NFKB1: variants seen among roughly 807,000 people sequenced by gnomAD.
The protein encoded by NFKB1 is nuclear factor kappa B subunit 1, also known as nuclear factor NF-kappa-B p105 subunit.
A neutral mutation model predicts 105.1 loss-of-function variants in NFKB1; 9 were observed. That is an observed-to-expected ratio of 0.09 (90% CI 0.05 to 0.15). NFKB1 has a LOEUF of 0.15. Among genes scored for constraint, NFKB1 ranks in the 10% least tolerant of loss-of-function variants. NFKB1 has a pLI of 1.00. For missense variants in NFKB1, 830 were observed against 1,203.7 expected, an observed-to-expected ratio of 0.69 and a Z score of 4.59; for synonymous variants, 440 against 442.2, an observed-to-expected ratio of 1.00 and a Z score of 0.06.
chr4:102,526,942 A>T (rs759191988), intron 2 of NFKB1, among the ~76,000 whole-genome samples: 10 of 151,098 alleles, frequency 6.6e-5, no homozygotes, highest in Admixed American at 6.6e-4. Flanking sequence ...GTGTGTGTGT[A>T]TATATGTATA....
chr4:102,578,807 G>A, intron 7 of NFKB1, 74 bp from the exon 8 acceptor site: 2 of 1,472,934 alleles, frequency 1.4e-6, no homozygotes, highest in Non-Finnish European at 1.9e-6. Flanking sequence ...ACATTATTTG[G>A]GCTTTATAAA....
intron 1 of NFKB1, among the ~76,000 whole-genome samples, chr4:102,505,841 CTG>C (rs1234021496): frequency 3.3e-5 from 5 of 152,058 alleles, no homozygotes; most frequent in Non-Finnish European, 7.4e-5. Context: ...CAATCATTAA[CTG>C]TTAAATGAAT....
intron 6 of NFKB1, among the ~76,000 whole-genome samples, chr4:102,571,191 C>T (rs1398740660): frequency 1.5e-4 from 23 of 152,180 alleles, no homozygotes; most frequent in Non-Finnish European, 3.1e-4. Flanking sequence ...ACATCTACAA[C>T]TATCTGATCT....
At chr4:102,539,302 T>A (rs886571817) in intron 5 of NFKB1, among the ~76,000 whole-genome samples, 2 of 151,976 alleles carry the variant, frequency 1.3e-5, no homozygotes, top group African/African-American at 4.8e-5. Flanking sequence ...ATTTTGTTTC[T>A]TCCTTTTCCT....
Position 102,616,456 on chromosome 4 carries a change from T to C in NFKB1, c.2772T>C (p.Ser924=), listed in dbSNP as rs1578844518. 2 of 1,614,126 alleles carry C rather than the reference T, an allele frequency of 1.2e-6. No homozygotes were observed. Among genetic ancestry groups the C allele is most frequent in the Non-Finnish European group, 1.7e-6 (2 of 1,180,004 alleles). ...QQIDELRDSD[S]VCDSGVETSF... ...CAGACGAGCTCCGAGACAGTGACAG[T>C]GTCTGCGACAGCGGCGTGGAGACAT... The change falls in exon 24 of 24, where the codon AGT becomes AGC. Residue 924 remains serine (S), a synonymous_variant. Transcript: ENST00000226574.
Position 102,525,504 on chromosome 4 carries a change from A to T in NFKB1, c.-7-8A>T. 1 of 1,613,142 alleles carries T rather than the reference A, an allele frequency of 6.2e-7. No individual in the cohort carries two copies. ...TACAGTTTTGTTTTGTTTTGTTTTA[A>T]TACACAGCTTCAGAATGGCAGAAGA... On this transcript the variant is annotated splice_region_variant and splice_polypyrimidine_tract_variant and intron_variant, in intron 1 of 23. Coordinates refer to ENST00000226574, the MANE Select transcript of NFKB1 (RefSeq NM_003998.4).
chr4:102,578,686 G>A lies in NFKB1; in HGVS notation c.572-195G>A, dbSNP rs55654198. On this transcript the variant is annotated intron_variant, in intron 7 of 23. Coordinates refer to ENST00000226574, the MANE Select transcript of NFKB1 (RefSeq NM_003998.4). ...TTACTGTAATCCGGAGAAAATGCAG[G>A]TCTTCTTTGATGCCTTTCATATTGG... The A allele has an allele frequency of 2.5e-5, 13 of 529,728 alleles. No homozygotes were observed. In the African/African-American group the frequency reaches 2.5e-4, roughly 10 times the overall value. The allele number at this position is 529,728 out of a possible 1,614,324, so 32.8% of individuals were successfully genotyped here.
intron 11 of NFKB1, among the ~76,000 whole-genome samples, chr4:102,586,386 A>G (rs1233189353): frequency 6.6e-6 from 1 of 152,156 alleles, no homozygotes; most frequent in Non-Finnish European, 1.5e-5. Context: ...AGAGTAAAAC[A>G]TGTTATATTT....
Position 102,616,316 on chromosome 4 carries a change from G to GGCATAGGTGGGATGTGT in NFKB1, c.2750-116_2750-100dup. The GGCATAGGTGGGATGTGT allele has an allele frequency of 5.9e-6, 6 of 1,019,496 alleles. No individual in the cohort carries two copies. In the South Asian group the frequency reaches 8.8e-5, roughly 15 times the overall value. 63.2% of individuals were successfully genotyped at this position (1,019,496 alleles called of 1,614,324 possible). A position where few individuals can be genotyped will look rare whatever the true frequency, so the allele number is the denominator to read the frequency against. ...GGTGAGCAGTCATGACAGTGAGGGT[G>GGCATAGGTGGGATGTGT]GCATAGGTGGGATGTGTGGCTGGCA... On this transcript the variant is annotated intron_variant, in intron 23 of 23. Coordinates refer to ENST00000226574, the MANE Select transcript of NFKB1 (RefSeq NM_003998.4).
chr4:102,586,626 A>C (rs1401810804), intron 11 of NFKB1, among the ~76,000 whole-genome samples: 1 of 152,190 alleles, frequency 6.6e-6, no homozygotes, highest in Non-Finnish European at 1.5e-5. Flanking sequence ...CTTCTTTTAT[A>C]ATCCTGTTTT....
At chr4:102,524,308 A>T (rs1285814825) in intron 1 of NFKB1, among the ~76,000 whole-genome samples, 1 of 152,176 alleles carries the variant, frequency 6.6e-6, no homozygotes, top group African/African-American at 2.4e-5. Flanking sequence ...CAGTATATTA[A>T]TGTTTAGCTG....
chr4:102,551,379 T>TGCGCGC (rs1560665315), intron 5 of NFKB1, among the ~76,000 whole-genome samples: 20 of 115,916 alleles, frequency 1.7e-4, no homozygotes, highest in Admixed American at 4.3e-4. Flanking sequence ...CGCGCGCGCA[T>TGCGCGC]GTGTGTGTGT....
chr4:102,519,107 CTT>C (rs1740397313), intron 1 of NFKB1, among the ~76,000 whole-genome samples: 2 of 151,794 alleles, frequency 1.3e-5, no homozygotes, highest in Non-Finnish European at 2.9e-5. Context: ...CTGCATCACT[CTT>C]TTGCACTTTG....
chr4:102,590,663 C>G (rs183268169), intron 11 of NFKB1, among the ~76,000 whole-genome samples: 1 of 152,176 alleles, frequency 6.6e-6, no homozygotes, highest in Non-Finnish European at 1.5e-5. Flanking sequence ...TCTGACTGCT[C>G]TACTGACTGG....
chr4:102,539,794 A>G (rs978586970), intron 5 of NFKB1, among the ~76,000 whole-genome samples: 1 of 152,204 alleles, frequency 6.6e-6, no homozygotes, highest in African/African-American at 2.4e-5. Flanking sequence ...TATATCCTGC[A>G]GCAGGCTATT....
At chr4:102,515,351 C>A (rs1224523104) in intron 1 of NFKB1, among the ~76,000 whole-genome samples, 1 of 151,494 alleles carries the variant, frequency 6.6e-6, no homozygotes, top group Non-Finnish European at 1.5e-5. Flanking sequence ...ACCTCGTGAT[C>A]CGCCCGCCTC....
intron 1 of NFKB1, among the ~76,000 whole-genome samples, chr4:102,515,970 T>A (rs920675913): frequency 6.6e-6 from 1 of 152,202 alleles, no homozygotes; most frequent in Admixed American, 6.5e-5. Flanking sequence ...TACTTGAAAA[T>A]GTCAATTTCA....
chr4:102,597,456 G>A, intron 14 of NFKB1, 64 bp from the exon 15 acceptor site: 1 of 1,510,496 alleles, frequency 6.6e-7, no homozygotes. Flanking sequence ...TTGTCCTTAA[G>A]CATGCCATAC....
intron 11 of NFKB1, among the ~76,000 whole-genome samples, chr4:102,592,016 G>C (rs189586912): frequency 7.9e-4 from 120 of 152,356 alleles, no homozygotes; most frequent in African/African-American, 2.7e-3. Flanking sequence ...GGGGTTCAAG[G>C]CTTCAGTGAA....
Sources: gnomAD v4.1 joint callset for allele counts (sites outside exome capture counted in the v4.1 genomes callset) on GRCh38, gnomAD v4.1.1 for gene constraint, MANE v1.5 for transcripts, NCBI Gene and HGNC (gene_info 2026-07-23, HGNC 2026-07-21) for gene names.